Variants in NPEPPS observed in about 807,000 individuals in gnomAD.
The protein encoded by NPEPPS is puromycin-sensitive aminopeptidase.
A neutral mutation model predicts 115.5 loss-of-function variants in NPEPPS; 14 were observed. The ratio of observed to expected loss-of-function variants is 0.12; its 90% CI spans 0.08 to 0.19. The LOEUF (loss-of-function observed/expected upper bound fraction) is 0.19. Ranked by LOEUF, NPEPPS falls within the 10% of genes least tolerant of loss-of-function variation. NPEPPS has a pLI of 1.00. For missense variants in NPEPPS, 523 were observed against 1,110.8 expected (o/e 0.47, Z 7.52); for synonymous variants, 285 against 390.6 (o/e 0.73, Z 3.19).
At chr17:47,552,291 A>G (rs181892196) in intron 2 of NPEPPS, among the ~76,000 whole-genome samples, 13 of 152,272 alleles carry the variant, frequency 8.5e-5, no homozygotes, top group African/African-American at 3.1e-4. Context: ...CTTATCTGTG[A>G]AATATATTCT....
intron 1 of NPEPPS, among the ~76,000 whole-genome samples, chr17:47,532,782 C>G (rs974578005): frequency 5.9e-5 from 9 of 151,992 alleles, no homozygotes; most frequent in African/African-American, 2.2e-4. Flanking sequence ...CCTCCTCCCG[C>G]AGCATTATCT....
chr17:47,588,018 T>C (rs1490042814), intron 9 of NPEPPS, among the ~76,000 whole-genome samples: 1 of 151,630 alleles, frequency 6.6e-6, no homozygotes, highest in Non-Finnish European at 1.5e-5. Flanking sequence ...ATAAGTGAAC[T>C]AGATGTACCT....
intron 1 of NPEPPS, among the ~76,000 whole-genome samples, chr17:47,537,432 G>A (rs561552896): frequency 3.4e-3 from 517 of 152,104 alleles, no homozygotes; most frequent in African/African-American, 0.012. Flanking sequence ...GGTGGCTCAC[G>A]CCTGTAATCC....
chr17:47,552,892 A>G (rs1463498637), intron 2 of NPEPPS, among the ~76,000 whole-genome samples: 1 of 152,216 alleles, frequency 6.6e-6, no homozygotes, highest in Non-Finnish European at 1.5e-5. Context: ...AACCGTAGGC[A>G]CAGAGAGGGT....
intron 19 of NPEPPS, 109 bp downstream of exon 19, chr17:47,613,834 TATTGTAGACATGCAAGTATTTTAAA>T (rs1297074099): frequency 6.8e-6 from 5 of 739,828 alleles, no homozygotes; most frequent in Non-Finnish European, 9.0e-6. Flanking sequence ...GAAAGATGCA[TATTGTAGACATGCAAGTATTTTAAA>T]ACTGTGAGAG....
At chr17:47,592,749 T>C (rs1912587787) in intron 12 of NPEPPS, 1 of 491,284 alleles carries the variant, frequency 2.0e-6, no homozygotes, top group Non-Finnish European at 3.7e-6. Context: ...AACTTTTTCT[T>C]TCCTTTCTTT....
At chr17:47,533,400 G>A (rs1907965266) in intron 1 of NPEPPS, among the ~76,000 whole-genome samples, 1 of 151,760 alleles carries the variant, frequency 6.6e-6, no homozygotes, top group Admixed American at 6.6e-5. Context: ...ATTGGCAAGG[G>A]GCAGATGGGA....
rs1567866288 is a variant in NPEPPS, at chr17:47,601,667, C to G, written c.1660C>G (p.Gln554Glu). Residue 554 changes from glutamine to glutamate, a missense_variant, in exon 15 of 23, where the codon CAG (glutamine) becomes GAG (glutamate). Coordinates refer to ENST00000322157, the MANE Select transcript of NPEPPS (RefSeq NM_006310.4). ...ITISTSEDPNQAKLKILMDKP... is the reference protein window; with the variant it reads ...ITISTSEDPNEAKLKILMDKP... ...AATCTCTACTAGTGAAGACCCCAACCAGGCCAAACTAAAAATTCTAATGGA... is the reference window on the plus strand; with the variant it reads ...AATCTCTACTAGTGAAGACCCCAACGAGGCCAAACTAAAAATTCTAATGGA... 1.2e-6 allele frequency: 2 copies of G among 1,612,238 alleles called. No homozygotes were observed. Among genetic ancestry groups the G allele is most frequent in the Non-Finnish European group, 1.7e-6 (2 of 1,179,432 alleles).
intron 16 of NPEPPS, 117 bp downstream of exon 16, chr17:47,604,166 C>G: frequency 2.3e-6 from 2 of 873,058 alleles, no homozygotes; most frequent in South Asian, 4.6e-5. Context: ...GTTAAAAACA[C>G]CTTTGGGACT....
chr17:47,544,708 ATTC>A (rs1909067705), intron 1 of NPEPPS, among the ~76,000 whole-genome samples: 1 of 104,992 alleles, frequency 9.5e-6, no homozygotes, highest in African/African-American at 3.4e-5. Flanking sequence ...TGATTTTTGT[ATTC>A]TTTTTTTTTT....
intron 21 of NPEPPS, chr17:47,619,498 G>A (rs1914410474): frequency 3.8e-6 from 2 of 530,688 alleles, no homozygotes; most frequent in Non-Finnish European, 6.8e-6. Context: ...AGGTTGTGGT[G>A]AGCCGAGATG....
intron 3 of NPEPPS, among the ~76,000 whole-genome samples, chr17:47,576,059 A>T (rs1911502893): frequency 6.6e-6 from 1 of 152,226 alleles, no homozygotes; most frequent in Non-Finnish European, 1.5e-5. Flanking sequence ...TCTTAGGAGG[A>T]CATTAATAAT....
At chr17:47,568,295 C>T (rs1423278411) in intron 2 of NPEPPS, among the ~76,000 whole-genome samples, 2 of 152,048 alleles carry the variant, frequency 1.3e-5, no homozygotes, top group African/African-American at 2.4e-5. Context: ...CTCAGTCTCC[C>T]GCATAGCTGG....
intron 2 of NPEPPS, among the ~76,000 whole-genome samples, chr17:47,559,422 G>T (rs1910282333): frequency 2.0e-5 from 3 of 151,478 alleles, no homozygotes; most frequent in South Asian, 2.1e-4. Context: ...TTGGTTTTGG[G>T]TTTTTTTTGG....
intron 14 of NPEPPS, among the ~76,000 whole-genome samples, chr17:47,600,279 T>G (rs1913112365): frequency 6.6e-6 from 1 of 151,998 alleles, no homozygotes; most frequent in African/African-American, 2.4e-5. Context: ...AAAAAATAAA[T>G]AAATAAAATT....
At chr17:47,554,730 C>T (rs1205454144) in intron 2 of NPEPPS, among the ~76,000 whole-genome samples, 1 of 152,184 alleles carries the variant, frequency 6.6e-6, no homozygotes, top group Non-Finnish European at 1.5e-5. Context: ...AGCATCACTA[C>T]TCTTGTGCTT....
At chr17:47,579,585 G>A in intron 4 of NPEPPS, 74 bp downstream of exon 4, 2 of 1,496,780 alleles carry the variant, frequency 1.3e-6, no homozygotes, top group Non-Finnish European at 8.9e-7. Flanking sequence ...TTTATTATGT[G>A]GGGTGATTAT....
chr17:47,596,238 G>A, intron 12 of NPEPPS, 115 bp from the exon 13 acceptor site: 1 of 613,898 alleles, frequency 1.6e-6, no homozygotes, highest in Non-Finnish European at 2.8e-6. Flanking sequence ...ACTGTTTCCT[G>A]AACCTGAAAG....
intron 12 of NPEPPS, among the ~76,000 whole-genome samples, chr17:47,595,554 C>G (rs970879168): frequency 2.6e-5 from 4 of 151,878 alleles, no homozygotes; most frequent in African/African-American, 9.7e-5. Context: ...AATAAAAGAC[C>G]AGTTTTGGCC....
Sources: gnomAD v4.1 joint callset for allele counts (sites outside exome capture counted in the v4.1 genomes callset) on GRCh38, gnomAD v4.1.1 for gene constraint, MANE v1.5 for transcripts, NCBI Gene and HGNC (gene_info 2026-07-23, HGNC 2026-07-21) for gene names.